Variants in GAB2 observed in about 807,000 individuals in gnomAD.
The protein encoded by GAB2 is GRB2 associated binding protein 2.
A neutral mutation model predicts 65.5 loss-of-function variants in GAB2; 26 were observed. The observed-to-expected ratio is 0.40, with a 90% CI of 0.29 to 0.55. The LOEUF is 0.55. GAB2 is among the 20% of genes least tolerant of loss of function. The pLI, the probability that GAB2 is intolerant of heterozygous loss-of-function variation, is 0.53. For missense variants in GAB2, 884 were observed against 875.8 expected, an observed-to-expected ratio of 1.01 and a Z score of -0.12; for synonymous variants, 321 against 329.6, an observed-to-expected ratio of 0.97 and a Z score of 0.28.
chr11:78,406,473 G>C (rs368659073), intron 1 of GAB2, among the ~76,000 whole-genome samples: 1 of 152,018 alleles, frequency 6.6e-6, no homozygotes, highest in African/African-American at 2.4e-5. Flanking sequence ...TGCCCCCTGG[G>C]TTGAAGCAAT....
chr11:78,275,489 T>G (rs1866141675), intron 2 of GAB2, among the ~76,000 whole-genome samples: 1 of 152,186 alleles, frequency 6.6e-6, no homozygotes. Context: ...CTGAAGGTTT[T>G]ACAGATATAA....
intron 7 of GAB2, 76 bp downstream of exon 7, chr11:78,222,029 A>C (rs1286400870): frequency 1.0e-6 from 1 of 956,384 alleles, no homozygotes; most frequent in African/African-American, 1.6e-5. Flanking sequence ...GTCCCGGCCC[A>C]CAGGCCAGCT....
intron 2 of GAB2, among the ~76,000 whole-genome samples, chr11:78,264,048 T>C (rs1865807687): frequency 6.6e-6 from 1 of 152,116 alleles, no homozygotes; most frequent in Non-Finnish European, 1.5e-5. Context: ...AGTCCAACAT[T>C]GTAACTGAAA....
intron 1 of GAB2, among the ~76,000 whole-genome samples, chr11:78,394,379 C>T (rs954979589): frequency 2.6e-5 from 4 of 152,178 alleles, no homozygotes; most frequent in Non-Finnish European, 5.9e-5. Flanking sequence ...CCTCCACAGT[C>T]CACAAAAGAA....
chr11:78,282,626 G>T (rs1269304753), intron 1 of GAB2, among the ~76,000 whole-genome samples: 1 of 151,954 alleles, frequency 6.6e-6, no homozygotes, highest in Non-Finnish European at 1.5e-5. Context: ...TGTGATTTTT[G>T]ATTAAGTCAT....
intron 3 of GAB2, among the ~76,000 whole-genome samples, chr11:78,242,064 T>A (rs116354569): frequency 1.3e-5 from 2 of 152,246 alleles, no homozygotes; most frequent in Non-Finnish European, 2.9e-5. Context: ...TTTAAAAGAA[T>A]TGATATCACA....
At chr11:78,366,760 C>T (rs907473880) in intron 1 of GAB2, among the ~76,000 whole-genome samples, 2 of 148,162 alleles carry the variant, frequency 1.3e-5, no homozygotes, top group Admixed American at 6.7e-5. Flanking sequence ...ATTCCCCATC[C>T]AGACTATGAT....
At chr11:78,228,714 C>T (rs1157828155) in intron 3 of GAB2, among the ~76,000 whole-genome samples, 2 of 152,038 alleles carry the variant, frequency 1.3e-5, no homozygotes, top group East Asian at 3.9e-4. Context: ...CCTCCTTGGG[C>T]CTCTGCACTC....
intron 1 of GAB2, among the ~76,000 whole-genome samples, chr11:78,376,734 C>G (rs1328334426): frequency 6.6e-6 from 1 of 152,156 alleles, no homozygotes; most frequent in African/African-American, 2.4e-5. Flanking sequence ...AGGGGGGCAC[C>G]GAGACTGTGA....
At position 78,264,301 on chromosome 11, in the gene GAB2, TG is replaced by T. The variant is rs577066710; in HGVS notation, c.377-13902del. Among the ~76,000 whole-genome samples, 9 of 152,116 alleles carry T rather than the reference TG, an allele frequency of 5.9e-5. No individual in the cohort carries two copies. In the South Asian group the frequency reaches 1.9e-3, roughly 32 times the overall value. ...TCTTTAATTTATCCCAGTAATGTTT[TG>T]TTGTTTTATGTACAGAGATCTAGGA... On this transcript the variant is annotated intron_variant, in intron 2 of 9. Transcript: ENST00000361507.
chr11:78,256,010 G>A (rs1341441588), intron 2 of GAB2, among the ~76,000 whole-genome samples: 1 of 152,156 alleles, frequency 6.6e-6, no homozygotes, highest in Non-Finnish European at 1.5e-5. Context: ...TGCTTCATCT[G>A]TAAAAAGGGA....
rs142898964 is a variant in GAB2, at chr11:78,291,373, G to A, written c.76-10472C>T. 8.6e-3 allele frequency among the ~76,000 whole-genome samples: 1,283 copies of A among 149,818 alleles called. 19 individuals carry two copies. The highest frequency in any genetic ancestry group is 0.03 in the African/African-American group (1,217 of 40,768). ...CCCAGCTACTCGGGAGGCTGAGGCAGAAGAATGGCTTGAACCTGGGAGGCA... is the reference window on the plus strand; with the variant it reads ...CCCAGCTACTCGGGAGGCTGAGGCAAAAGAATGGCTTGAACCTGGGAGGCA... On this transcript the variant is annotated intron_variant, in intron 1 of 9. Coordinates refer to ENST00000361507, the MANE Select transcript of GAB2 (RefSeq NM_080491.3).
Position 78,345,866 on chromosome 11 carries a change from G to C in GAB2, c.76-64965C>G, listed in dbSNP as rs572008271. ...TCCTCATCCTACCAGCTGACACAAA[G>C]ATTGGTGTTTCTCAGGGCTCTGTTT... is the stretch of plus-strand genomic sequence containing the variant. On this transcript the variant is annotated intron_variant, in intron 1 of 9. Coordinates refer to ENST00000361507, the MANE Select transcript of GAB2 (RefSeq NM_080491.3). 1.2e-3 allele frequency among the ~76,000 whole-genome samples: 177 copies of C among 152,288 alleles called. 1 individual carries two copies. The highest frequency in any genetic ancestry group is 4.0e-3 in the African/African-American group (166 of 41,566).
intron 1 of GAB2, among the ~76,000 whole-genome samples, chr11:78,352,342 G>A (rs917905071): frequency 1.1e-4 from 16 of 152,166 alleles, no homozygotes; most frequent in Admixed American, 8.5e-4. Flanking sequence ...CTCATACCAC[G>A]TCATCCCCGT....
intron 1 of GAB2, among the ~76,000 whole-genome samples, chr11:78,390,201 G>A (rs888422086): frequency 6.6e-6 from 1 of 152,186 alleles, no homozygotes; most frequent in Non-Finnish European, 1.5e-5. Context: ...GGTTTACAAA[G>A]GGTTTGAAAT....
chr11:78,280,746 C>T lies in GAB2; in HGVS notation c.231G>A (p.Lys77=). 2.5e-6 allele frequency: 4 copies of T among 1,614,204 alleles called. No homozygotes were observed. The highest frequency in any genetic ancestry group is 3.4e-6 in the Non-Finnish European group (4 of 1,180,028). ...EQVDAGLTFN[K]KELQDSFVFD... is the part of the protein sequence containing the mutation. ...ACACAAAACTATCCTGCAGCTCCTT[C>T]TTGTTAAAGGTCAGGCCTGCATCTA... The change falls in exon 2 of 10, where the codon AAG becomes AAA. Residue 77 remains lysine, a synonymous_variant. Transcript: ENST00000361507.
At chr11:78,400,433 T>G (rs181809147) in intron 1 of GAB2, among the ~76,000 whole-genome samples, 25 of 152,302 alleles carry the variant, frequency 1.6e-4, no homozygotes, top group African/African-American at 6.0e-4. Context: ...GAGTACTGAT[T>G]TATTACCTTG....
At chr11:78,315,963 G>A (rs1418255912) in intron 1 of GAB2, among the ~76,000 whole-genome samples, 4 of 152,096 alleles carry the variant, frequency 2.6e-5, no homozygotes, top group Admixed American at 1.3e-4. Flanking sequence ...CTGTCAGCAT[G>A]GCCAGAAGAA....
intron 1 of GAB2, among the ~76,000 whole-genome samples, chr11:78,408,612 G>C (rs917981246): frequency 2.0e-5 from 3 of 152,194 alleles, no homozygotes; most frequent in Non-Finnish European, 4.4e-5. Flanking sequence ...CATGCCCCAT[G>C]ATATGGTTTG....
Sources: gnomAD v4.1 joint callset for allele counts (sites outside exome capture counted in the v4.1 genomes callset) on GRCh38, gnomAD v4.1.1 for gene constraint, MANE v1.5 for transcripts, NCBI Gene and HGNC (gene_info 2026-07-23, HGNC 2026-07-21) for gene names.